Variants in ATE1 observed in about 807,000 individuals in gnomAD.
The protein encoded by ATE1 is arginyl-tRNA--protein transferase 1.
A neutral mutation model predicts 70.5 loss-of-function variants in ATE1; 36 were observed. That is an observed-to-expected ratio of 0.51 (90% CI 0.39 to 0.67). The LOEUF (loss-of-function observed/expected upper bound fraction) is 0.67, where lower values mean the gene tolerates loss of function less well. Among genes scored for constraint, ATE1 ranks in the 30% least tolerant of loss-of-function variants. The pLI is 0.00. For missense variants in ATE1, 593 were observed against 629.5 expected, an observed-to-expected ratio of 0.94 and a Z score of 0.62; for synonymous variants, 232 against 219.3, an observed-to-expected ratio of 1.06 and a Z score of -0.51.
Position 121,743,730 on chromosome 10 carries a change from T to A in ATE1, c.1507A>T (p.Ser503Cys), listed in dbSNP as rs541588284. 6.2e-7 allele frequency: 1 copy of A among 1,613,972 alleles called. No individual in the cohort carries two copies. Among genetic ancestry groups the A allele is most frequent in the Non-Finnish European group, 8.5e-7 (1 of 1,180,026 alleles). ...TCGGAGCACTTCTGCCCCACCAGGCTGGCGTACTGCAGAACAGCAGCCTCC... is the reference window on the plus strand; with the variant it reads ...TCGGAGCACTTCTGCCCCACCAGGCAGGCGTACTGCAGAACAGCAGCCTCC... ...SEEAAVLQYA[S>C]LVGQKCSERM... The change falls in exon 12 of 12, where the codon AGC becomes TGC. Residue 503 changes from serine to cysteine, a missense_variant. By Grantham distance (112) the Ser-to-Cys change is moderately radical. This residue lies in a region of ATE1 where 90 missense variants were observed against 93.7 expected (regional missense o/e 0.96). Coordinates refer to ENST00000224652, the MANE Select transcript of ATE1 (RefSeq NM_001001976.3).
chr10:121,870,147 A>C (rs1949801003), intron 7 of ATE1, 109 bp from the exon 8 acceptor site: 1 of 1,019,722 alleles, frequency 9.8e-7, no homozygotes, highest in Non-Finnish European at 1.5e-6. Flanking sequence ...ATCCACTTAA[A>C]GTGAACCCAA....
At chr10:121,766,004 T>C (rs1945264889) in intron 11 of ATE1, among the ~76,000 whole-genome samples, 1 of 152,184 alleles carries the variant, frequency 6.6e-6, no homozygotes, top group Non-Finnish European at 1.5e-5. Context: ...TCATATATTA[T>C]AATTGTCTCT....
intron 11 of ATE1, among the ~76,000 whole-genome samples, chr10:121,776,006 T>C (rs1343753901): frequency 3.3e-5 from 5 of 152,240 alleles, no homozygotes; most frequent in Non-Finnish European, 1.5e-5. Flanking sequence ...TGTGCACACA[T>C]AATAGCTGTA....
chr10:121,898,849 T>C lies in ATE1; in HGVS notation c.942+1017A>G, dbSNP rs758881797. ...ACAACAGTTAACAATACCTCAGTCT[T>C]CCCACATTCATCGGGTGGATCCTGG... On this transcript the variant is annotated intron_variant, in intron 7 of 11. Transcript: ENST00000224652. The C allele has an allele frequency of 1.8e-5, 29 of 1,613,710 alleles. No homozygotes were observed. The Middle Eastern group carries it at 4.0e-3, about 220-fold the overall frequency.
chr10:121,848,873 T>C (rs926567224), intron 8 of ATE1, among the ~76,000 whole-genome samples: 1 of 151,408 alleles, frequency 6.6e-6, no homozygotes, highest in Admixed American at 6.6e-5. Context: ...ATCACGCCAC[T>C]GCACTCCAGC....
At chr10:121,924,552 T>C (rs1952010000) in intron 1 of ATE1, among the ~76,000 whole-genome samples, 1 of 151,802 alleles carries the variant, frequency 6.6e-6, no homozygotes, top group South Asian at 2.1e-4. Context: ...TACAAAAATT[T>C]AGCTGGGCAT....
At chr10:121,793,959 C>T (rs1946554678) in intron 10 of ATE1, among the ~76,000 whole-genome samples, 1 of 152,134 alleles carries the variant, frequency 6.6e-6, no homozygotes, top group African/African-American at 2.4e-5. Flanking sequence ...ATTACATTTA[C>T]ATTTATGCTC....
intron 11 of ATE1, among the ~76,000 whole-genome samples, chr10:121,753,065 T>C: frequency 6.6e-6 from 1 of 152,276 alleles, no homozygotes; most frequent in East Asian, 1.9e-4. Context: ...TGCATTGCTC[T>C]GTTAAATTTA....
In ATE1 at chr10:121,809,776, C is replaced by T. The variant is rs557152458; in HGVS notation, c.1258-19487G>A. Among the ~76,000 whole-genome samples the T allele has an allele frequency of 6.3e-4, 95 of 151,648 alleles. 1 individual carries two copies. The Middle Eastern group carries it at 0.01, about 16-fold the overall frequency. On this transcript the variant is annotated intron_variant, in intron 10 of 11. Coordinates refer to ENST00000224652, the MANE Select transcript of ATE1 (RefSeq NM_001001976.3). ...TGCAATGAGGTGGAAGAGACTGGGA[C>T]ATTCAACATTCAAGGGGCAAACAGA...
intron 3 of ATE1, among the ~76,000 whole-genome samples, chr10:121,920,089 TTAAAG>T (rs1392861488): frequency 6.6e-6 from 1 of 152,224 alleles, no homozygotes; most frequent in Non-Finnish European, 1.5e-5. Flanking sequence ...TTTTCATTTC[TTAAAG>T]TAAAACTGTC....
chr10:121,788,372 A>G (rs1016080508), intron 11 of ATE1, among the ~76,000 whole-genome samples: 1 of 152,192 alleles, frequency 6.6e-6, no homozygotes, highest in Non-Finnish European at 1.5e-5. Flanking sequence ...ATCTAGAAAA[A>G]CAGGGGCTAA....
At chr10:121,790,576 T>G (rs1946393206) in intron 10 of ATE1, among the ~76,000 whole-genome samples, 1 of 152,204 alleles carries the variant, frequency 6.6e-6, no homozygotes, top group South Asian at 2.1e-4. Context: ...ATGTGATTCT[T>G]GCTGAGCTGA....
chr10:121,760,204 A>C (rs1392173367), intron 11 of ATE1, among the ~76,000 whole-genome samples: 2 of 152,362 alleles, frequency 1.3e-5, no homozygotes, highest in East Asian at 3.9e-4. Flanking sequence ...TGCTAACACA[A>C]TAACCATTCT....
intron 8 of ATE1, among the ~76,000 whole-genome samples, chr10:121,857,631 CA>C (rs939349557): frequency 1.3e-5 from 2 of 152,164 alleles, no homozygotes; most frequent in African/African-American, 4.8e-5. Context: ...ATCATTCTGT[CA>C]AAAAGACACA....
intron 8 of ATE1, among the ~76,000 whole-genome samples, chr10:121,867,954 A>G (rs1590566484): frequency 6.6e-6 from 1 of 152,278 alleles, no homozygotes; most frequent in African/African-American, 2.4e-5. Context: ...TTTTGTCCGC[A>G]TCTTTGATGA....
At chr10:121,774,714 T>C (rs929220425) in intron 11 of ATE1, among the ~76,000 whole-genome samples, 2 of 152,204 alleles carry the variant, frequency 1.3e-5, no homozygotes, top group Non-Finnish European at 2.9e-5. Flanking sequence ...AATGTAAAAT[T>C]AGAACTCAAA....
chr10:121,927,782 G>A, intron 1 of ATE1, 62 bp downstream of exon 1: 7 of 1,504,526 alleles, frequency 4.7e-6, no homozygotes, highest in South Asian at 1.2e-5. Context: ...CTCGCTGGGG[G>A]ACCCTGGGAT....
At chr10:121,766,108 A>G (rs1945268168) in intron 11 of ATE1, among the ~76,000 whole-genome samples, 1 of 152,228 alleles carries the variant, frequency 6.6e-6, no homozygotes, top group Non-Finnish European at 1.5e-5. Flanking sequence ...GGAAGTTATT[A>G]TAGTAAGCAG....
chr10:121,877,553 A>C lies in ATE1; in HGVS notation c.943-7515T>G, dbSNP rs188981131. The stretch of plus-strand genomic sequence containing the variant: ...ATCAGAGAATATAGAGAACTCTCAC[A>C]GTCAATAAGGAAAAAACACAAGAAT... On this transcript the variant is annotated intron_variant, in intron 7 of 11. Transcript: ENST00000224652. 7.1e-3 allele frequency among the ~76,000 whole-genome samples: 1,085 copies of C among 152,296 alleles called. 25 individuals carry two copies. Among genetic ancestry groups the C allele is most frequent in the African/African-American group, 0.025 (1,021 of 41,568 alleles).
Sources: allele counts gnomAD v4.1 joint callset (sites outside exome capture counted in the v4.1 genomes callset), GRCh38; gene constraint gnomAD v4.1.1; regional missense constraint gnomAD v4.1.1; transcripts MANE v1.5; gene names NCBI Gene and HGNC (gene_info 2026-07-23, HGNC 2026-07-21).